Variants in FBXL13 observed in about 807,000 individuals in gnomAD.
FBXL13 encodes F-box and leucine rich repeat protein 13.
In FBXL13, 67 loss-of-function variants were observed where a neutral mutation model predicts 83.6. The ratio of observed to expected loss-of-function variants is 0.80; its 90% CI spans 0.66 to 0.98. The LOEUF (loss-of-function observed/expected upper bound fraction) is 0.98, where lower values mean the gene tolerates loss of function less well. FBXL13 is among the 50% of genes least tolerant of loss of function. FBXL13 has a pLI of 0.00. For missense variants in FBXL13, 822 were observed against 866.5 expected (o/e 0.95, Z 0.64); for synonymous variants, 272 against 299.5 (o/e 0.91, Z 0.95).
intron 8 of FBXL13, among the ~76,000 whole-genome samples, chr7:102,947,834 G>C (rs1259755003): frequency 5.3e-5 from 8 of 151,768 alleles, no homozygotes; most frequent in Admixed American, 4.6e-4. Flanking sequence ...TGATTTTTCT[G>C]AAGTAAACAA....
At chr7:103,060,064 A>ATATG (rs71110809) in intron 1 of FBXL13, among the ~76,000 whole-genome samples, 1 of 81,924 alleles carries the variant, frequency 1.2e-5, no homozygotes, top group African/African-American at 4.4e-5. Context: ...ATATATATAT[A>ATATG]CTTTTTTTTT....
At chr7:103,008,325 T>C (rs1356501731) in intron 6 of FBXL13, among the ~76,000 whole-genome samples, 1 of 152,092 alleles carries the variant, frequency 6.6e-6, no homozygotes, top group African/African-American at 2.4e-5. Context: ...ACAGGGTCCT[T>C]TTGCTAGAAC....
chr7:103,074,193 C>G, intron 1 of FBXL13: 6 of 980,938 alleles, frequency 6.1e-6, no homozygotes, highest in Non-Finnish European at 7.3e-6. Context: ...CTTCCCTCCG[C>G]TAACCTCCAT....
intron 16 of FBXL13, among the ~76,000 whole-genome samples, chr7:102,864,444 C>T (rs1310875209): frequency 6.6e-6 from 1 of 152,036 alleles, no homozygotes; most frequent in East Asian, 1.9e-4. Context: ...TTTCGGCTCA[C>T]TGCAACCTCT....
At chr7:102,910,451 C>A (rs930603068) in intron 11 of FBXL13, among the ~76,000 whole-genome samples, 3 of 151,244 alleles carry the variant, frequency 2.0e-5, no homozygotes, top group Admixed American at 2.0e-4. Context: ...GTATGCGATG[C>A]CTGGGAAAAG....
intron 6 of FBXL13, among the ~76,000 whole-genome samples, chr7:103,015,046 G>A (rs904502341): frequency 1.3e-5 from 2 of 151,428 alleles, no homozygotes; most frequent in Non-Finnish European, 2.9e-5. Flanking sequence ...TTCAACACAT[G>A]CAAATCAATA....
At chr7:103,044,144 G>A (rs940525932) in intron 2 of FBXL13, among the ~76,000 whole-genome samples, 1 of 152,146 alleles carries the variant, frequency 6.6e-6, no homozygotes, top group Non-Finnish European at 1.5e-5. Context: ...TGAAATACGG[G>A]AAACAGAGTA....
chr7:103,027,408 A>T (rs1339349768), intron 5 of FBXL13, 41 bp downstream of exon 6: 1 of 1,394,050 alleles, frequency 7.2e-7, no homozygotes, highest in African/African-American at 1.4e-5. Context: ...AATATAACTG[A>T]AACATTCGGA....
At position 103,052,961 on chromosome 7, in the gene FBXL13, TG is replaced by T. The variant is rs577106795; in HGVS notation, c.-1+2682del. On this transcript the variant is annotated intron_variant, in intron 2 of 19. Coordinates refer to ENST00000313221, the Ensembl canonical transcript of FBXL13. ...TGGTAGAGACAGGATTTCACCATGTTGGCCAGGCTGGTCTCAAGCTCCTGAC... is the reference window on the plus strand; with the variant it reads ...TGGTAGAGACAGGATTTCACCATGTTGCCAGGCTGGTCTCAAGCTCCTGAC... 1.7e-3 allele frequency among the ~76,000 whole-genome samples: 263 copies of T among 151,826 alleles called. 1 individual carries two copies. The highest frequency in any genetic ancestry group is 2.3e-3 in the Non-Finnish European group (156 of 67,926).
chr7:102,892,727 T>C (rs1811691342), intron 11 of FBXL13, among the ~76,000 whole-genome samples: 1 of 152,250 alleles, frequency 6.6e-6, no homozygotes, highest in African/African-American at 2.4e-5. Context: ...GATATTCTTA[T>C]ATTAAAAACC....
chr7:102,811,573 A>G (rs1797437342), downstream of FBXL13, among the ~76,000 whole-genome samples: 1 of 152,234 alleles, frequency 6.6e-6, no homozygotes, highest in Non-Finnish European at 1.5e-5. Context: ...ATGTAAAGCA[A>G]CCTGCTAGGT....
chr7:102,845,869 C>T (rs556045354), intron 17 of FBXL13, among the ~76,000 whole-genome samples: 7 of 152,174 alleles, frequency 4.6e-5, no homozygotes, highest in South Asian at 2.1e-4. Context: ...TTAGGTACCT[C>T]GCCTGAATCC....
intron 6 of FBXL13, among the ~76,000 whole-genome samples, chr7:103,024,073 G>A (rs938232369): frequency 3.5e-5 from 5 of 141,934 alleles, no homozygotes; most frequent in African/African-American, 1.0e-4. Flanking sequence ...CCTATGACAC[G>A]CAATTTACCT....
intron 10 of FBXL13, among the ~76,000 whole-genome samples, chr7:102,920,929 G>A (rs1390525953): frequency 5.3e-5 from 8 of 152,066 alleles, no homozygotes; most frequent in Non-Finnish European, 8.8e-5. Flanking sequence ...CGAGGTGGGC[G>A]GATCACGAGG....
intron 16 of FBXL13, among the ~76,000 whole-genome samples, chr7:102,862,149 C>A (rs1269323759): frequency 6.6e-6 from 1 of 151,866 alleles, no homozygotes; most frequent in East Asian, 1.9e-4. Flanking sequence ...TCGAGACCAG[C>A]CTGGTCAATG....
At chr7:103,006,350 A>C (rs979005363) in intron 6 of FBXL13, among the ~76,000 whole-genome samples, 1 of 152,216 alleles carries the variant, frequency 6.6e-6, no homozygotes, top group African/African-American at 2.4e-5. Flanking sequence ...CTGAACAAAA[A>C]ATATCTACCA....
chr7:102,970,852 A>G (rs1029083591), intron 6 of FBXL13, among the ~76,000 whole-genome samples: 2 of 152,218 alleles, frequency 1.3e-5, no homozygotes, highest in African/African-American at 4.8e-5. Flanking sequence ...CTAAGAAGAG[A>G]ATCAACAAAT....
Position 102,826,769 on chromosome 7 carries a change from A to ATG in FBXL13, c.1855-4567_1855-4566insCA, listed in dbSNP as rs1554400934. On this transcript the variant is annotated intron_variant, in intron 18 of 19. Transcript: ENST00000313221. Reference sequence around the variant, plus strand: ...TATATATATATATATATATATATATATATGTATATATATCTCTAATATATT... The same window carrying ATG: ...TATATATATATATATATATATATATATGTATGTATATATATCTCTAATATATT... Among the ~76,000 whole-genome samples the ATG allele has an allele frequency of 4.6e-3, 459 of 100,704 alleles. 29 individuals carry two copies. The highest frequency in any genetic ancestry group is 0.011 in the African/African-American group (295 of 26,328). 66.1% of individuals were successfully genotyped at this position (100,704 alleles called of 152,430 possible). A position where few individuals can be genotyped will look rare whatever the true frequency, so the allele number is the denominator to read the frequency against.
chr7:102,921,415 C>T (rs1483572808), intron 10 of FBXL13, among the ~76,000 whole-genome samples: 1 of 152,146 alleles, frequency 6.6e-6, no homozygotes, highest in African/African-American at 2.4e-5. Flanking sequence ...CACAGTGGCT[C>T]ATGCCTGTAA....
Sources: gnomAD v4.1 joint callset for allele counts (sites outside exome capture counted in the v4.1 genomes callset) on GRCh38, gnomAD v4.1.1 for gene constraint, MANE v1.5 for transcripts, NCBI Gene and HGNC (gene_info 2026-07-23, HGNC 2026-07-21) for gene names.